Variants in MARCHF3 observed in about 807,000 individuals in gnomAD.
MARCHF3 encodes E3 ubiquitin-protein ligase MARCHF3.
MARCHF3 carries 13 observed loss-of-function variants against 24.2 expected under a neutral mutation model. That is an observed-to-expected ratio of 0.54 (90% CI 0.35 to 0.85). The LOEUF is 0.85. MARCHF3 is among the 40% of genes least tolerant of loss of function. The pLI is 0.01. For synonymous variants in MARCHF3, 144 were observed against 137.3 expected (o/e 1.05, Z -0.34); for missense variants, 276 against 325.0 (o/e 0.85, Z 1.16).
At chr5:126,929,833 A>G (rs561442957) in intron 1 of MARCHF3, among the ~76,000 whole-genome samples, 1 of 152,164 alleles carries the variant, frequency 6.6e-6, no homozygotes, top group African/African-American at 2.4e-5. Context: ...TTCTTGTGAT[A>G]GTGAATAAGT....
chr5:126,882,194 A>C (rs916111544), intron 3 of MARCHF3, among the ~76,000 whole-genome samples: 3 of 152,044 alleles, frequency 2.0e-5, no homozygotes, highest in African/African-American at 7.3e-5. Context: ...TCCTGCTAAC[A>C]TTTTCTTTTT....
intron 3 of MARCHF3, among the ~76,000 whole-genome samples, chr5:126,895,312 T>A (rs1196594117): frequency 1.3e-5 from 2 of 152,290 alleles, no homozygotes; most frequent in East Asian, 3.9e-4. Flanking sequence ...TCTCAGCTCC[T>A]CAAAGTCATT....
At chr5:126,881,888 G>A (rs752925739) in intron 3 of MARCHF3, among the ~76,000 whole-genome samples, 2 of 152,052 alleles carry the variant, frequency 1.3e-5, no homozygotes, top group African/African-American at 4.8e-5. Flanking sequence ...GAGAGAGAGG[G>A]ACAGACAAGG....
Position 126,870,690 on chromosome 5 carries a change from C to T in MARCHF3, c.705G>A (p.Gln235=). 1 of 1,614,180 alleles carries T rather than the reference C, an allele frequency of 6.2e-7. No individual in the cohort carries two copies. Among genetic ancestry groups the T allele is most frequent in the South Asian group, 1.1e-5 (1 of 91,086 alleles). The change falls in exon 5 of 5, where the codon CAG becomes CAA. Residue 235 remains glutamine (Q), a synonymous_variant. Transcript: ENST00000308660. The stretch of plus-strand genomic sequence containing the variant: ...CCGAATGGAGGCCCAGCAAGGACGG[C>T]TGGTTAGAAGGTACATTGACAGACT... The part of the protein sequence containing the change: ...IPKSVNVPSN[Q]PSLLGLHSVK...
intron 1 of MARCHF3, among the ~76,000 whole-genome samples, chr5:127,003,675 G>C (rs1752213884): frequency 6.6e-6 from 1 of 152,132 alleles, no homozygotes; most frequent in Non-Finnish European, 1.5e-5. Flanking sequence ...GCGCGAACCC[G>C]GGAGGCGGAG....
chr5:126,946,971 G>A (rs1207278193), intron 1 of MARCHF3, among the ~76,000 whole-genome samples: 2 of 152,174 alleles, frequency 1.3e-5, no homozygotes, highest in African/African-American at 2.4e-5. Flanking sequence ...AGATAATTCT[G>A]TATGTGAATA....
At position 126,870,630 on chromosome 5, in the gene MARCHF3, A is replaced by C. The variant is rs1752933960; in HGVS notation, c.*3T>G. 6.2e-7 allele frequency: 1 copy of C among 1,613,818 alleles called. No individual in the cohort carries two copies. On this transcript the variant is annotated 3_prime_UTR_variant, in exon 5 of 5. Coordinates refer to ENST00000308660, the MANE Select transcript of MARCHF3 (RefSeq NM_178450.5). ...ATCAAACAACCAACCAACCATACAAACATCAAACAACTGTCTCCTTTGAGT... is the reference window on the plus strand; with the variant it reads ...ATCAAACAACCAACCAACCATACAACCATCAAACAACTGTCTCCTTTGAGT...
chr5:126,990,660 C>T (rs930832637), intron 1 of MARCHF3, among the ~76,000 whole-genome samples: 2 of 152,054 alleles, frequency 1.3e-5, no homozygotes, highest in East Asian at 3.9e-4. Context: ...TGACAAAGGG[C>T]TAATATCCAG....
chr5:126,997,551 T>A (rs143087017), intron 1 of MARCHF3, among the ~76,000 whole-genome samples: 3 of 152,296 alleles, frequency 2.0e-5, no homozygotes, highest in African/African-American at 7.2e-5. Context: ...AGGCTTTCGA[T>A]CTCTCCCTAT....
intron 1 of MARCHF3, among the ~76,000 whole-genome samples, chr5:126,968,187 G>A (rs919543144): frequency 6.6e-5 from 10 of 152,246 alleles, no homozygotes; most frequent in African/African-American, 2.2e-4. Context: ...CATTTTGTTT[G>A]TTCATTCATC....
intron 1 of MARCHF3, among the ~76,000 whole-genome samples, chr5:127,010,334 C>G (rs896763083): frequency 6.6e-6 from 1 of 152,044 alleles, no homozygotes; most frequent in African/African-American, 2.4e-5. Flanking sequence ...CATTTCAAAG[C>G]AAAAAAGTAT....
intron 1 of MARCHF3, among the ~76,000 whole-genome samples, chr5:127,000,090 T>C (rs1203421477): frequency 6.6e-6 from 1 of 151,072 alleles, no homozygotes; most frequent in Admixed American, 6.6e-5. Context: ...ATATTAATGA[T>C]CTTAAGTCAG....
rs552099884 is a variant in MARCHF3, at chr5:126,939,823, G to A, written c.-56-21596C>T. On this transcript the variant is annotated intron_variant, in intron 1 of 4. Coordinates refer to ENST00000308660, the MANE Select transcript of MARCHF3 (RefSeq NM_178450.5). ...ATCAATACATAACCTTGTTTATGCG[G>A]GTCTCTGCTTGAAGACACCTTATTT... 9.9e-5 allele frequency among the ~76,000 whole-genome samples: 15 copies of A among 152,116 alleles called. No individual in the cohort carries two copies. The South Asian group carries it at 3.1e-3, about 32-fold the overall frequency.
intron 1 of MARCHF3, among the ~76,000 whole-genome samples, chr5:126,969,557 G>A (rs781469612): frequency 6.6e-6 from 1 of 152,220 alleles, no homozygotes; most frequent in Non-Finnish European, 1.5e-5. Context: ...GTAGAGAAAA[G>A]GAAGCAAAAA....
intron 1 of MARCHF3, among the ~76,000 whole-genome samples, chr5:126,959,079 C>T (rs1309665038): frequency 6.6e-6 from 1 of 152,074 alleles, no homozygotes; most frequent in African/African-American, 2.4e-5. Context: ...GGAAGTGGAG[C>T]GTAACTCCCT....
chr5:126,902,391 G>C (rs1217017955), intron 3 of MARCHF3, among the ~76,000 whole-genome samples: 2 of 152,076 alleles, frequency 1.3e-5, no homozygotes, highest in Non-Finnish European at 2.9e-5. Context: ...AGAAGTCCTT[G>C]GAAAGATGAA....
At chr5:126,897,543 G>A (rs1753963324) in intron 3 of MARCHF3, among the ~76,000 whole-genome samples, 2 of 152,104 alleles carry the variant, frequency 1.3e-5, no homozygotes, top group South Asian at 4.1e-4. Context: ...TGGGCTTAAA[G>A]GAAGGAGAGG....
chr5:126,898,923 A>G (rs1214961789), intron 3 of MARCHF3: 2 of 985,038 alleles, frequency 2.0e-6, no homozygotes, highest in Admixed American at 6.2e-5. Context: ...CAGATTATAC[A>G]TTTTCATAAG....
chr5:126,898,930 T>C (rs1239721198), intron 3 of MARCHF3: 1 of 985,024 alleles, frequency 1.0e-6, no homozygotes, highest in Non-Finnish European at 1.2e-6. Flanking sequence ...TACATTTTCA[T>C]AAGTGGCACA....
Sources: allele counts gnomAD v4.1 joint callset (sites outside exome capture counted in the v4.1 genomes callset), GRCh38; gene constraint gnomAD v4.1.1; transcripts MANE v1.5; gene names NCBI Gene and HGNC (gene_info 2026-07-23, HGNC 2026-07-21).